The following GRIK3 variants were observed in gnomAD, a reference collection of about 807,000 sequenced individuals.
GRIK3 encodes glutamate ionotropic receptor kainate type subunit 3.
A neutral mutation model predicts 102.5 loss-of-function variants in GRIK3; 29 were observed. The ratio of observed to expected loss-of-function variants is 0.28; its 90% CI spans 0.21 to 0.39. The LOEUF (loss-of-function observed/expected upper bound fraction) is 0.39. Among genes scored for constraint, GRIK3 ranks in the 10% least tolerant of loss-of-function variants. GRIK3 has a pLI of 1.00. For synonymous variants in GRIK3, 511 were observed against 504.9 expected (o/e 1.01, Z -0.16); for missense variants, 908 against 1,252.4 (o/e 0.73, Z 4.15).
chr1:37,022,298 A>G (rs1642722919), intron 1 of GRIK3, among the ~76,000 whole-genome samples: 1 of 152,236 alleles, frequency 6.6e-6, no homozygotes, highest in South Asian at 2.1e-4. Flanking sequence ...TATTAACGAC[A>G]GCACAGCAGA....
intron 1 of GRIK3, among the ~76,000 whole-genome samples, chr1:36,961,162 A>G (rs900809908): frequency 1.3e-5 from 2 of 152,100 alleles, no homozygotes; most frequent in Non-Finnish European, 2.9e-5. Flanking sequence ...CATGCAACAC[A>G]CTGCGTGCAC....
chr1:36,993,468 A>G (rs566546226), intron 1 of GRIK3, among the ~76,000 whole-genome samples: 134 of 152,286 alleles, frequency 8.8e-4, no homozygotes, highest in Non-Finnish European at 7.4e-5. Flanking sequence ...CTCTCTGAGC[A>G]CTTGTGCCCA....
chr1:36,943,874 T>C (rs1006906000), intron 1 of GRIK3, among the ~76,000 whole-genome samples: 2 of 152,250 alleles, frequency 1.3e-5, no homozygotes, highest in African/African-American at 4.8e-5. Flanking sequence ...TGCCCAACCA[T>C]GAGCTGGTCT....
chr1:36,979,173 C>T (rs1642223486), intron 1 of GRIK3, among the ~76,000 whole-genome samples: 1 of 152,208 alleles, frequency 6.6e-6, no homozygotes, highest in Non-Finnish European at 1.5e-5. Context: ...ATTTAATAGA[C>T]CAGTCATTGC....
Position 36,805,256 on chromosome 1 carries a change from C to A in GRIK3, c.2315-19G>T. On this transcript the variant is annotated intron_variant, in intron 14 of 15. Transcript: ENST00000373091. ...GGGGAGCCTGAGCAGGGAGAAGGGA[C>A]CCCTAGCCATCAGTGGCGTGTGGCC... 1.3e-6 allele frequency: 2 copies of A among 1,591,310 alleles called. No individual in the cohort carries two copies. The highest frequency in any genetic ancestry group is 2.2e-5 in the East Asian group (1 of 44,698).
chr1:36,842,355 C>G (rs1037161793), intron 9 of GRIK3, among the ~76,000 whole-genome samples: 10 of 152,168 alleles, frequency 6.6e-5, no homozygotes, highest in Non-Finnish European at 1.0e-4. Context: ...AGGCCCCACC[C>G]CAGACCTAAC....
Position 36,872,302 on chromosome 1 carries a change from C to G in GRIK3, c.618G>C (p.Gln206His), listed in dbSNP as rs1364145537. Residue 206 changes from glutamine (Q) to histidine (H), a missense_variant, in exon 4 of 16, where the codon CAG becomes CAC. Coordinates refer to ENST00000373091, the MANE Select transcript of GRIK3 (RefSeq NM_000831.4). The surrounding 1 kb of genome is among the most constrained non-coding windows in gnomAD (Gnocchi z 5.9). ...GCGAGTCGTCAGAGTCGATGGGGAGCTGACGGATCTTCAGGCGGATGTTGT... is the reference window on the plus strand; with the variant it reads ...GCGAGTCGTCAGAGTCGATGGGGAGGTGACGGATCTTCAGGCGGATGTTGT... ...SRYNIRLKIR[Q>H]LPIDSDDSRP... 6.2e-7 allele frequency: 1 copy of G among 1,612,962 alleles called. No homozygotes were observed. Among genetic ancestry groups the G allele is most frequent in the African/African-American group, 1.3e-5 (1 of 75,038 alleles).
In GRIK3 at chr1:36,872,003, C is replaced by T. The variant is rs987012196; in HGVS notation, c.732+185G>A. On this transcript the variant is annotated intron_variant, in intron 4 of 15. Transcript: ENST00000373091. This position sits in a 1 kb window ranked among gnomAD's most constrained non-coding sequence, Gnocchi z 5.9. ...ACTCACAGAGTAAATACTGCAGTGT[C>T]CGTTTTGCTACTGGTGAAAATGAGG... is the stretch of plus-strand genomic sequence containing the variant. 1.3e-5 allele frequency among the ~76,000 whole-genome samples: 2 copies of T among 152,200 alleles called. No individual in the cohort carries two copies. The highest frequency in any genetic ancestry group is 4.8e-5 in the African/African-American group (2 of 41,454).
intron 1 of GRIK3, among the ~76,000 whole-genome samples, chr1:36,962,117 C>G (rs566229479): frequency 3.3e-5 from 5 of 152,152 alleles, no homozygotes; most frequent in Non-Finnish European, 5.9e-5. Flanking sequence ...GCAGGAGCAC[C>G]GGCCCTGCAC....
At chr1:36,930,440 C>T (rs941993982) in intron 1 of GRIK3, among the ~76,000 whole-genome samples, 2 of 152,210 alleles carry the variant, frequency 1.3e-5, no homozygotes, top group Non-Finnish European at 2.9e-5. Flanking sequence ...TCCTAAGTGT[C>T]AGAGCTGGAA....
intron 1 of GRIK3, among the ~76,000 whole-genome samples, chr1:36,967,270 G>C (rs566078384): frequency 3.5e-4 from 54 of 152,294 alleles, no homozygotes; most frequent in African/African-American, 1.3e-3. Context: ...CTGAGACCAG[G>C]GGGTATGTGC....
At chr1:36,926,874 G>GTA (rs925568294) in intron 1 of GRIK3, among the ~76,000 whole-genome samples, 1 of 152,192 alleles carries the variant, frequency 6.6e-6, no homozygotes, top group African/African-American at 2.4e-5. Flanking sequence ...AAGTGAGTCT[G>GTA]TAGAGTTCTC....
intron 1 of GRIK3, among the ~76,000 whole-genome samples, chr1:36,926,214 C>T (rs557961863): frequency 2.1e-4 from 32 of 152,216 alleles, no homozygotes; most frequent in African/African-American, 5.8e-4. Context: ...GTGGTCCTGA[C>T]AAAAAGTTAG....
intron 14 of GRIK3, 111 bp from the exon 15 acceptor site, chr1:36,805,348 T>G (rs773290787): frequency 4.7e-5 from 52 of 1,096,572 alleles, no homozygotes; most frequent in Non-Finnish European, 6.1e-5. Context: ...GATCAGCTCA[T>G]GAAAGGGGGT....
At chr1:36,865,509 A>G (rs561652667) in intron 5 of GRIK3, among the ~76,000 whole-genome samples, 1 of 152,260 alleles carries the variant, frequency 6.6e-6, no homozygotes, top group South Asian at 2.1e-4. Flanking sequence ...GATCCTGAAG[A>G]CCGGAAGCAG....
intron 1 of GRIK3, among the ~76,000 whole-genome samples, chr1:36,912,087 A>T (rs780619047): frequency 8.0e-5 from 12 of 149,770 alleles, no homozygotes; most frequent in Non-Finnish European, 1.8e-4. Flanking sequence ...GTTTCTCACC[A>T]CTCCCTTCAC....
At chr1:36,980,037 G>A (rs896986977) in intron 1 of GRIK3, among the ~76,000 whole-genome samples, 2 of 152,108 alleles carry the variant, frequency 1.3e-5, no homozygotes, top group Non-Finnish European at 2.9e-5. Context: ...ACATATTCCC[G>A]AGTGTCTGGA....
chr1:37,010,649 G>A (rs12085194), intron 1 of GRIK3, among the ~76,000 whole-genome samples: 34,349 of 151,778 alleles, frequency 0.23, 4,145 homozygotes, highest in Non-Finnish European at 0.26. Flanking sequence ...GCACCCAGGA[G>A]TTGCCCAACC....
At chr1:36,812,873 A>G (rs1300542242) in intron 13 of GRIK3, among the ~76,000 whole-genome samples, 1 of 152,198 alleles carries the variant, frequency 6.6e-6, no homozygotes, top group African/African-American at 2.4e-5. Flanking sequence ...CTGCCCACTC[A>G]GTTCCTAGTC....
Sources: gnomAD v4.1 joint callset for allele counts (sites outside exome capture counted in the v4.1 genomes callset) on GRCh38, gnomAD v4.1.1 for gene constraint, Gnocchi (gnomAD v3.1) non-coding constraint, MANE v1.5 for transcripts, NCBI Gene and HGNC (gene_info 2026-07-23, HGNC 2026-07-21) for gene names.